Variants in USP42 observed in about 807,000 individuals in gnomAD.
USP42 encodes the protein ubiquitin carboxyl-terminal hydrolase 42.
Under a neutral mutation model 113.0 loss-of-function variants are expected in USP42, and 23 were observed. That is an observed-to-expected ratio of 0.20 (90% CI 0.15 to 0.29). The LOEUF (loss-of-function observed/expected upper bound fraction) is 0.29. USP42 is among the 10% of genes least tolerant of loss of function. The pLI, the probability that USP42 is intolerant of heterozygous loss-of-function variation, is 1.00. For synonymous variants in USP42, 933 were observed against 699.0 expected (o/e 1.33, Z -5.28); for missense variants, 2,174 against 1,779.8 (o/e 1.22, Z -3.99).
In USP42 at chr7:6,115,960, T is replaced by C. The variant is rs186276534; in HGVS notation, c.442+437T>C. 4.7e-3 allele frequency among the ~76,000 whole-genome samples: 709 copies of C among 152,008 alleles called. 2 individuals carry two copies. Among genetic ancestry groups the C allele is most frequent in the South Asian group, 0.016 (77 of 4,814 alleles). ...CTAAAAATAAAAATAAAAATTAGTC[T>C]AGCATGGCAGCACACACCTCTAGTC... On this transcript the variant is annotated intron_variant, in intron 3 of 17. Transcript: ENST00000306177.
chr7:6,155,390 C>G (rs1782387042), intron 15 of USP42, among the ~76,000 whole-genome samples, 195 bp downstream of exon 15: 1 of 152,186 alleles, frequency 6.6e-6, no homozygotes, highest in Admixed American at 6.5e-5. Flanking sequence ...TGCTTTGAAG[C>G]TGTATCTTTA....
Position 6,150,174 on chromosome 7 carries a change from G to A in USP42, c.1978G>A (p.Ala660Thr), listed in dbSNP as rs1160264858. ...TCAAGAACCCATGACCCTAAACGGT[G>A]CTAATAGTGCAGACAGCGACAGTGA... ...ELQEPMTLNGANSADSDSDPK... is the reference protein window; with the variant it reads ...ELQEPMTLNGTNSADSDSDPK... The change falls in exon 13 of 18, where the codon GCT (alanine) becomes ACT (threonine). Residue 660 changes from alanine (A) to threonine (T), a missense_variant. Ala to Thr is a moderately conservative substitution (Grantham distance 58). Transcript: ENST00000306177. 1 of 1,613,938 alleles carries A rather than the reference G, an allele frequency of 6.2e-7. No homozygotes were observed. Among genetic ancestry groups the A allele is most frequent in the Middle Eastern group, 1.6e-4 (1 of 6,062 alleles).
In USP42 at chr7:6,116,627, A is replaced by AT. The variant is rs1017158415; in HGVS notation, c.442+1113dup. The stretch of plus-strand genomic sequence containing the variant: ...ATTTAAATTGGTTCTTTTAAAACTG[A>AT]TTTTTTTTTCCCTCCAAAGAGCCAA... On this transcript the variant is annotated intron_variant, in intron 3 of 17. Transcript: ENST00000306177. The AT allele has an allele frequency of 5.6e-4, 209 of 371,298 alleles. 1 individual carries two copies. The highest frequency in any genetic ancestry group is 1.8e-3 in the East Asian group (20 of 11,406). The allele number at this position is 371,298 out of a possible 1,614,324, so 23.0% of individuals were successfully genotyped here.
At chr7:6,108,261 G>C (rs1300906297) in intron 1 of USP42, among the ~76,000 whole-genome samples, 2 of 152,088 alleles carry the variant, frequency 1.3e-5, no homozygotes, top group East Asian at 1.9e-4. Flanking sequence ...AATTTGGCCA[G>C]GTTCTGTGGC....
intron 3 of USP42, among the ~76,000 whole-genome samples, 183 bp from the exon 4 acceptor site, chr7:6,135,651 CAAAAAAA>C (rs1173165919): frequency 6.2e-5 from 1 of 16,160 alleles, no homozygotes; most frequent in South Asian, 2.8e-3. Context: ...GACTCCATCT[CAAAAAAA>C]AAAAAAAAAA....
In USP42 at chr7:6,111,795, A is replaced by C. The variant is rs556464901; in HGVS notation, c.241+421A>C. 8 of 98,070 alleles carry C rather than the reference A, an allele frequency of 8.2e-5. 1 individual carries two copies. The South Asian group carries it at 1.8e-3, about 22-fold the overall frequency. The allele number at this position is 98,070 out of a possible 1,614,324, so 6.1% of individuals were successfully genotyped here. A position where few individuals can be genotyped will look rare whatever the true frequency, so the allele number is the denominator to read the frequency against. Reference sequence around the variant, plus strand: ...TTTTTTTTTTTTTTTTTGTATTTTTAGTAGAGACGGGGGTTCACCATGTTA... The same window carrying C: ...TTTTTTTTTTTTTTTTTGTATTTTTCGTAGAGACGGGGGTTCACCATGTTA... On this transcript the variant is annotated intron_variant, in intron 2 of 17. Coordinates refer to ENST00000306177, the MANE Select transcript of USP42 (RefSeq NM_032172.3).
chr7:6,145,935 T>C (rs1781694060), intron 10 of USP42, among the ~76,000 whole-genome samples: 1 of 152,054 alleles, frequency 6.6e-6, no homozygotes, highest in South Asian at 2.1e-4. Flanking sequence ...CTGCGTGTGG[T>C]GGCACCTGCC....
At chr7:6,101,289 G>T (rs187855236), upstream of USP42, among the ~76,000 whole-genome samples, 13 of 151,224 alleles carry the variant, frequency 8.6e-5, no homozygotes, top group East Asian at 2.3e-3. Context: ...GGCTCCCTAA[G>T]TCTGGAGGTC....
chr7:6,085,902 C>T, the USP42 span, among the ~76,000 whole-genome samples: 408 of 151,202 alleles, frequency 2.7e-3, 4 homozygotes, highest in Middle Eastern at 0.014. Flanking sequence ...CGTGAGCCAC[C>T]GTGCCCAGCC....
chr7:6,139,851 C>A lies in USP42; in HGVS notation c.657-277C>A. ...GCAGTGCCCGGAGGCTGCCATCTTC[C>A]TGCTTCAGGACCAGACTCCTGCCTT... On this transcript the variant is annotated intron_variant, in intron 5 of 17. Transcript: ENST00000306177. This position sits in a 1 kb window ranked among gnomAD's most constrained non-coding sequence, Gnocchi z 4.5. 1 of 501,636 alleles carries A rather than the reference C, an allele frequency of 2.0e-6. No homozygotes were observed. The allele number at this position is 501,636 out of a possible 1,614,324, so 31.1% of individuals were successfully genotyped here.
chr7:6,094,540 G>A, the USP42 span, among the ~76,000 whole-genome samples: 3 of 151,218 alleles, frequency 2.0e-5, no homozygotes, highest in South Asian at 2.1e-4. Flanking sequence ...AGTGGGTAGC[G>A]GTGGAATTAA....
chr7:6,085,080 A>T, the USP42 span: 1 of 150,700 alleles, frequency 6.6e-6, no homozygotes, highest in Non-Finnish European at 1.5e-5. Context: ...GACTGTGCCC[A>T]GCCTTGTTTT....
intron 11 of USP42, among the ~76,000 whole-genome samples, chr7:6,147,115 T>C (rs1170834755): frequency 6.6e-6 from 1 of 152,194 alleles, no homozygotes; most frequent in Non-Finnish European, 1.5e-5. Flanking sequence ...ATTGAAATAT[T>C]AAACACTGGC....
rs371714801 is a variant in USP42 at position 6,149,729 on chromosome 7, A to G, written c.1533A>G (p.Ser511=). The change falls in exon 13 of 18, where the codon TCA becomes TCG. Residue 511 remains serine (S), a synonymous_variant. Coordinates refer to ENST00000306177, the MANE Select transcript of USP42 (RefSeq NM_032172.3). The stretch of plus-strand genomic sequence containing the variant: ...AAAACTGGTCAGTTAATAGGTCCTC[A>G]GTGATCCCAGAACATCCTAAGAAAC... ...SVQNWSVNRS[S]VIPEHPKKQK... The G allele has an allele frequency of 3.9e-4, 634 of 1,614,014 alleles. 10 individuals are homozygous for G. In the South Asian group the frequency reaches 6.4e-3, roughly 16 times the overall value.
chr7:6,145,416 G>C, intron 9 of USP42, 100 bp from the exon 10 acceptor site: 1 of 1,412,666 alleles, frequency 7.1e-7, no homozygotes, highest in Non-Finnish European at 9.8e-7. Context: ...CAGGTGTTCT[G>C]TGGGTCTCCC....
intron 6 of USP42, among the ~76,000 whole-genome samples, chr7:6,140,676 T>C (rs1031780353): frequency 6.6e-6 from 1 of 152,206 alleles, no homozygotes. Context: ...TCTGTCAGGT[T>C]GTCTTCTAAG....
At chr7:6,096,406 A>C in the USP42 span, among the ~76,000 whole-genome samples, 2 of 150,984 alleles carry the variant, frequency 1.3e-5, no homozygotes, top group African/African-American at 2.5e-5. Context: ...CATGGAGAGG[A>C]GGGATCCCAA....
At chr7:6,150,659 T>TGTATAATGTATAA (rs1202952043) in intron 14 of USP42, among the ~76,000 whole-genome samples, 153 bp downstream of exon 14, 1 of 152,228 alleles carries the variant, frequency 6.6e-6, no homozygotes, top group Non-Finnish European at 1.5e-5. Flanking sequence ...ATTTATTAAC[T>TGTATAATGTATAA]TGCCTTTTAG....
chr7:6,105,472 G>A (rs1043331943), intron 1 of USP42, among the ~76,000 whole-genome samples: 1 of 32,460 alleles, frequency 3.1e-5, no homozygotes, highest in South Asian at 1.0e-3. Flanking sequence ...CGGCCCGCCC[G>A]CCGCCCCCCG....
Sources: allele counts gnomAD v4.1 joint callset (sites outside exome capture counted in the v4.1 genomes callset), GRCh38; gene constraint gnomAD v4.1.1; non-coding constraint Gnocchi (gnomAD v3.1); transcripts MANE v1.5; gene names NCBI Gene and HGNC (gene_info 2026-07-23, HGNC 2026-07-21).